The following TRIM69 variants were observed in gnomAD, a reference collection of about 807,000 sequenced individuals.
The protein encoded by TRIM69 is tripartite motif containing 69.
TRIM69 carries 29 observed loss-of-function variants against 37.7 expected under a neutral mutation model. That is an observed-to-expected ratio of 0.77 (90% CI 0.57 to 1.05). The LOEUF (loss-of-function observed/expected upper bound fraction) is 1.05. Ranked by LOEUF, TRIM69 falls within the 50% of genes least tolerant of loss-of-function variation. The pLI is 0.00. For synonymous variants in TRIM69, 209 were observed against 212.4 expected, an observed-to-expected ratio of 0.98 and a Z score of 0.14; for missense variants, 596 against 579.9, an observed-to-expected ratio of 1.03 and a Z score of -0.28.
intron 6 of TRIM69, among the ~76,000 whole-genome samples, chr15:44,762,976 TAG>T (rs2087809925): frequency 6.6e-6 from 1 of 152,296 alleles, no homozygotes; most frequent in East Asian, 1.9e-4. Context: ...GAAGATAGTA[TAG>T]AGTTTTTTAT....
chr15:44,759,807 T>C lies in TRIM69; in HGVS notation c.896T>C (p.Leu299Pro), dbSNP rs768047551. ...TRELISRKLN[L>P]GQYKGPIQYM... ...GAGCTTATTTCCAGAAAGCTGAACC[T>C]GGGCCAGTACAAAGGTCCTATCCAG... The change falls in exon 6 of 7, where the codon CTG (leucine) becomes CCG (proline). Residue 299 changes from leucine (L) to proline (P), a missense_variant. Physicochemically the swap from Leu to Pro is moderately conservative, Grantham distance 98. Coordinates refer to ENST00000329464, the MANE Select transcript of TRIM69 (RefSeq NM_182985.5). 2.5e-6 allele frequency: 4 copies of C among 1,614,148 alleles called. No individual in the cohort carries two copies. Among genetic ancestry groups the C allele is most frequent in the Non-Finnish European group, 3.4e-6 (4 of 1,180,022 alleles).
chr15:44,757,036 T>C (rs770071311), intron 3 of TRIM69: 2 of 152,194 alleles, frequency 1.3e-5, no homozygotes, highest in Non-Finnish European at 2.9e-5. Flanking sequence ...AAATTGGAAG[T>C]TCTGTTTCTT....
chr15:44,738,756 T>G (rs2087216592), intron 1 of TRIM69, among the ~76,000 whole-genome samples: 1 of 152,222 alleles, frequency 6.6e-6, no homozygotes, highest in Admixed American at 6.5e-5. Flanking sequence ...GGGAAGATAC[T>G]TGAAGCAATC....
chr15:44,762,789 A>G (rs1031727952), intron 6 of TRIM69, among the ~76,000 whole-genome samples: 2 of 151,990 alleles, frequency 1.3e-5, no homozygotes, highest in Admixed American at 6.6e-5. Context: ...ATCCATTTTA[A>G]TATCCTTGTC....
chr15:44,737,702 G>A (rs1174239687), intron 1 of TRIM69, among the ~76,000 whole-genome samples: 1 of 152,148 alleles, frequency 6.6e-6, no homozygotes, highest in African/African-American at 2.4e-5. Context: ...TCGTGAAGCA[G>A]GAGTGTGTCT....
chr15:44,754,962 C>T lies in TRIM69; in HGVS notation c.69C>T (p.Ile23=), dbSNP rs929760356. The T allele has an allele frequency of 3.0e-5, 48 of 1,614,146 alleles. No individual in the cohort carries two copies. The highest frequency in any genetic ancestry group is 4.0e-5 in the Non-Finnish European group (47 of 1,179,996). The change falls in exon 2 of 7, where the codon ATC becomes ATT. Residue 23 remains isoleucine (I), a synonymous_variant. Coordinates refer to ENST00000329464, the MANE Select transcript of TRIM69 (RefSeq NM_182985.5). ...PGDYVEMNDS[I]THLPSKVVIQ... ...ACTATGTTGAAATGAATGATTCAAT[C>T]ACCCACCTACCCTCTAAAGTGGTGA... is the stretch of plus-strand genomic sequence containing the variant.
intron 1 of TRIM69, among the ~76,000 whole-genome samples, chr15:44,748,803 G>A (rs2141319204): frequency 7.5e-6 from 1 of 132,722 alleles, no homozygotes; most frequent in Middle Eastern, 5.1e-3. Flanking sequence ...TCCAGCCTGG[G>A]CGACAGAGTG....
At chr15:44,758,175 G>A in intron 3 of TRIM69, 1 of 168,280 alleles carries the variant, frequency 5.9e-6, no homozygotes, top group East Asian at 1.7e-4. Flanking sequence ...GTAACCCAAG[G>A]AAAAAGCTGC....
At chr15:44,754,728 C>A in intron 1 of TRIM69, 172 bp from the exon 2 acceptor site, 2 of 629,364 alleles carry the variant, frequency 3.2e-6, no homozygotes, top group South Asian at 3.9e-5. Context: ...TAGCATCATA[C>A]GCTATAATTT....
At chr15:44,762,245 C>T (rs542979318) in intron 6 of TRIM69, among the ~76,000 whole-genome samples, 3 of 152,272 alleles carry the variant, frequency 2.0e-5, no homozygotes, top group East Asian at 1.9e-4. Flanking sequence ...GGATTACAGG[C>T]GTGAGCCACC....
chr15:44,737,866 T>C (rs1290440885), intron 1 of TRIM69, among the ~76,000 whole-genome samples: 4 of 152,076 alleles, frequency 2.6e-5, no homozygotes, highest in Admixed American at 6.5e-5. Context: ...AAATGAACTC[T>C]CCTTAGATAT....
Position 44,758,781 on chromosome 15 carries a change from G to A in TRIM69, c.740G>A (p.Cys247Tyr), listed in dbSNP as rs1234803353. The change falls in exon 4 of 7, where the codon TGT becomes TAT. Residue 247 changes from cysteine (C) to tyrosine (Y), a missense_variant. Cys to Tyr is a radical substitution (Grantham distance 194). Coordinates refer to ENST00000329464, the MANE Select transcript of TRIM69 (RefSeq NM_182985.5). Reference protein sequence around the residue: ...ELNLSQLQEQCLLAKDMLVSI... With the variant: ...ELNLSQLQEQYLLAKDMLVSI... ...AATCTGAGCCAGCTTCAGGAGCAAT[G>A]TCTCTTAGCCAAGGATATGTTGGTG... The A allele has an allele frequency of 6.2e-7, 1 of 1,614,142 alleles. No homozygotes were observed. Among genetic ancestry groups the A allele is most frequent in the East Asian group, 2.2e-5 (1 of 44,876 alleles).
chr15:44,767,142 T>C, intron 6 of TRIM69, 89 bp from the exon 7 acceptor site: 1 of 936,080 alleles, frequency 1.1e-6, no homozygotes. Flanking sequence ...GATAAAGTAC[T>C]ATTGAATATG....
At chr15:44,760,921 A>ATT (rs879904771) in intron 6 of TRIM69, among the ~76,000 whole-genome samples, 2 of 143,802 alleles carry the variant, frequency 1.4e-5, no homozygotes, top group Admixed American at 7.0e-5. Flanking sequence ...ACTTAGCATA[A>ATT]TTTTTTTTTT....
chr15:44,766,205 G>A (rs1467550393), intron 6 of TRIM69, among the ~76,000 whole-genome samples: 1 of 152,070 alleles, frequency 6.6e-6, no homozygotes, highest in Non-Finnish European at 1.5e-5. Context: ...GTAATTATTA[G>A]ATTCAACTGA....
chr15:44,765,132 G>A (rs1183261015), intron 6 of TRIM69, among the ~76,000 whole-genome samples: 1 of 152,202 alleles, frequency 6.6e-6, no homozygotes, highest in African/African-American at 2.4e-5. Flanking sequence ...ATTTCTGGAA[G>A]TAGTCAGAAG....
At chr15:44,743,055 C>T (rs1431653951) in intron 1 of TRIM69, among the ~76,000 whole-genome samples, 2 of 152,074 alleles carry the variant, frequency 1.3e-5, no homozygotes, top group African/African-American at 4.8e-5. Flanking sequence ...TGCTACCTGA[C>T]TTCAAACTAT....
At chr15:44,753,882 T>C (rs936104270) in intron 1 of TRIM69, 8 of 151,774 alleles carry the variant, frequency 5.3e-5, no homozygotes, top group Admixed American at 4.6e-4. Context: ...GACCAGCTAA[T>C]TTTTTGTATT....
intron 6 of TRIM69, 74 bp downstream of exon 6, chr15:44,759,946 C>T: frequency 2.0e-6 from 3 of 1,533,920 alleles, no homozygotes; most frequent in Non-Finnish European, 2.7e-6. Flanking sequence ...CTTCTGTGGC[C>T]CTAATTAAGT....
Sources: gnomAD v4.1 joint callset for allele counts (sites outside exome capture counted in the v4.1 genomes callset) on GRCh38, gnomAD v4.1.1 for gene constraint, MANE v1.5 for transcripts, NCBI Gene and HGNC (gene_info 2026-07-23, HGNC 2026-07-21) for gene names.